Variants in TRIP12 observed in about 807,000 individuals in gnomAD.
The protein encoded by TRIP12 is thyroid hormone receptor interactor 12, also known as E3 ubiquitin-protein ligase TRIP12.
TRIP12 carries 25 observed loss-of-function variants against 244.2 expected under a neutral mutation model. That is an observed-to-expected ratio of 0.10 (90% CI 0.07 to 0.14). The LOEUF is 0.14. Ranked by LOEUF, TRIP12 falls within the 10% of genes least tolerant of loss-of-function variation. The probability of loss-of-function intolerance (pLI) is 1.00; values close to 1 mark genes in which losing one functional copy is unlikely to be tolerated. For missense variants in TRIP12, 1,677 were observed against 2,486.4 expected (o/e 0.67, Z 6.92); for synonymous variants, 905 against 873.1 (o/e 1.04, Z -0.64).
intron 1 of TRIP12, among the ~76,000 whole-genome samples, chr2:229,891,899 T>G (rs1263371729): frequency 6.6e-6 from 1 of 152,114 alleles, no homozygotes; most frequent in Non-Finnish European, 1.5e-5. Flanking sequence ...TGTGGAAAAA[T>G]GGAGATGATC....
chr2:229,902,033 C>T (rs768528585), intron 1 of TRIP12, among the ~76,000 whole-genome samples: 3 of 152,108 alleles, frequency 2.0e-5, no homozygotes, highest in Non-Finnish European at 4.4e-5. Flanking sequence ...TCAATTTAGA[C>T]CACTGGTTCA....
At chr2:229,910,683 C>T (rs78266608) in intron 1 of TRIP12, among the ~76,000 whole-genome samples, 1 of 151,916 alleles carries the variant, frequency 6.6e-6, no homozygotes, top group East Asian at 1.9e-4. Flanking sequence ...GATTATCTTA[C>T]AGCACCACAC....
At chr2:229,873,838 T>G (rs1332864491) in intron 2 of TRIP12, among the ~76,000 whole-genome samples, 1 of 152,128 alleles carries the variant, frequency 6.6e-6, no homozygotes, top group African/African-American at 2.4e-5. Flanking sequence ...CAGGCAAATT[T>G]TTTGATGGGG....
At chr2:229,791,685 G>A in intron 29 of TRIP12, 181 bp downstream of exon 29, 1 of 621,028 alleles carries the variant, frequency 1.6e-6, no homozygotes, top group Non-Finnish European at 2.8e-6. Flanking sequence ...TAGAATGAAT[G>A]AGGAGGCTAC....
intron 6 of TRIP12, among the ~76,000 whole-genome samples, chr2:229,833,852 T>G (rs1321291475): frequency 1.3e-5 from 2 of 152,050 alleles, no homozygotes; most frequent in East Asian, 3.9e-4. Flanking sequence ...ACAAAAAAAC[T>G]ACTAGTTTTG....
At chr2:229,901,076 G>A (rs1182026963) in intron 1 of TRIP12, among the ~76,000 whole-genome samples, 5 of 151,084 alleles carry the variant, frequency 3.3e-5, no homozygotes, top group Non-Finnish European at 7.4e-5. Context: ...TGGGATTACA[G>A]GCATGTGCCA....
intron 19 of TRIP12, 85 bp downstream of exon 19, chr2:229,803,914 T>C: frequency 8.0e-7 from 1 of 1,256,094 alleles, no homozygotes; most frequent in Non-Finnish European, 1.1e-6. Context: ...TGTGCATATT[T>C]TTTCTATTAT....
intron 4 of TRIP12, among the ~76,000 whole-genome samples, chr2:229,842,616 A>T (rs759762615): frequency 4.3e-4 from 66 of 152,100 alleles, no homozygotes; most frequent in Admixed American, 7.2e-4. Flanking sequence ...CAAAGCACTT[A>T]AAAAAAACCC....
intron 1 of TRIP12, among the ~76,000 whole-genome samples, chr2:229,915,136 C>T (rs1368631045): frequency 6.6e-6 from 1 of 151,952 alleles, no homozygotes; most frequent in African/African-American, 2.4e-5. Flanking sequence ...ACCTGTATCC[C>T]GGCTACTCGG....
rs1201911071 is a variant in TRIP12 at position 229,766,437 on chromosome 2, G to A, written c.*1117C>T. ...AACATTAACCTGATGGATTATTGCA[G>A]ATTTGAGAAATCAGCACATAAAATG... On this transcript the variant is annotated 3_prime_UTR_variant, in exon 42 of 42. Coordinates refer to ENST00000675903, the MANE Select transcript of TRIP12 (RefSeq NM_001348323.3). 2 of 152,188 alleles carry A rather than the reference G, an allele frequency of 1.3e-5. No homozygotes were observed. The highest frequency in any genetic ancestry group is 4.8e-5 in the African/African-American group (2 of 41,440). The allele number at this position is 152,188 out of a possible 1,614,324, so 9.4% of individuals were successfully genotyped here. A position where few individuals can be genotyped will look rare whatever the true frequency, so the allele number is the denominator to read the frequency against.
At chr2:229,905,515 AAC>A (rs57220756) in intron 1 of TRIP12, among the ~76,000 whole-genome samples, 40,526 of 152,020 alleles carry the variant, frequency 0.27, 6,032 homozygotes, top group East Asian at 0.4. Flanking sequence ...AGTCTCTTAA[AAC>A]AGTTTTCAGA....
At chr2:229,789,510 G>T in intron 31 of TRIP12, 101 bp downstream of exon 31, 1 of 1,413,236 alleles carries the variant, frequency 7.1e-7, no homozygotes. Context: ...ACTGGGCTAG[G>T]AGCCCTGCAT....
At chr2:229,783,608 T>C (rs990845438) in intron 34 of TRIP12, among the ~76,000 whole-genome samples, 7 of 151,892 alleles carry the variant, frequency 4.6e-5, no homozygotes, top group Non-Finnish European at 1.0e-4. Flanking sequence ...TAGATGTAAA[T>C]AATGAAAAAT....
chr2:229,842,715 C>T (rs1478639017), intron 4 of TRIP12, among the ~76,000 whole-genome samples: 1 of 152,110 alleles, frequency 6.6e-6, no homozygotes, highest in Non-Finnish European at 1.5e-5. Flanking sequence ...TAGACAGTAG[C>T]ACACACTTTT....
intron 22 of TRIP12, 109 bp downstream of exon 22, chr2:229,799,174 A>C: frequency 6.6e-7 from 1 of 1,505,278 alleles, no homozygotes; most frequent in Non-Finnish European, 9.2e-7. Flanking sequence ...CTTAGTCCTC[A>C]GGAAACTTAG....
At chr2:229,819,085 C>A (rs999750560) in intron 8 of TRIP12, among the ~76,000 whole-genome samples, 16 of 109,688 alleles carry the variant, frequency 1.5e-4, no homozygotes, top group East Asian at 3.3e-4. Flanking sequence ...CACACACACA[C>A]AATTATAAAC....
intron 2 of TRIP12, among the ~76,000 whole-genome samples, chr2:229,868,743 C>T (rs559011836): frequency 3.3e-5 from 5 of 152,282 alleles, no homozygotes; most frequent in Admixed American, 6.5e-5. Context: ...AGAAAACACA[C>T]GGGACCAGTG....
At chr2:229,793,691 A>G (rs963439363) in intron 26 of TRIP12, among the ~76,000 whole-genome samples, 3 of 152,242 alleles carry the variant, frequency 2.0e-5, no homozygotes, top group Non-Finnish European at 4.4e-5. Context: ...CATTTCAGAA[A>G]AGCTCTGGCA....
chr2:229,811,269 T>C lies in TRIP12; in HGVS notation c.1987-65A>G, dbSNP rs1299006061. 5.4e-6 allele frequency: 8 copies of C among 1,475,854 alleles called. No individual in the cohort carries two copies. In the African/African-American group the frequency reaches 1.1e-4, roughly 21 times the overall value. 91.4% of individuals were successfully genotyped at this position (1,475,854 alleles called of 1,614,324 possible). On this transcript the variant is annotated intron_variant, in intron 13 of 41. Coordinates refer to ENST00000675903, the MANE Select transcript of TRIP12 (RefSeq NM_001348323.3). Reference sequence around the variant, plus strand: ...AAGCATTTTCACTGTCATGTATCACTACTTTATCTTCCTCCTAACCCCAGA... The same window carrying C: ...AAGCATTTTCACTGTCATGTATCACCACTTTATCTTCCTCCTAACCCCAGA...
Sources: allele counts gnomAD v4.1 joint callset (sites outside exome capture counted in the v4.1 genomes callset), GRCh38; gene constraint gnomAD v4.1.1; transcripts MANE v1.5; gene names NCBI Gene and HGNC (gene_info 2026-07-23, HGNC 2026-07-21).